The following SLC1A2 variants were observed in gnomAD, a reference collection of about 807,000 sequenced individuals.
SLC1A2 encodes the protein solute carrier family 1 member 2.
A neutral mutation model predicts 48.8 loss-of-function variants in SLC1A2; 15 were observed. The ratio of observed to expected loss-of-function variants is 0.31; its 90% confidence interval spans 0.21 to 0.47. The LOEUF is 0.47. Among genes scored for constraint, SLC1A2 ranks in the 20% least tolerant of loss-of-function variants. The pLI is 0.99. For missense variants in SLC1A2, 502 were observed against 730.5 expected (o/e 0.69, Z 3.61); for synonymous variants, 279 against 272.6 (o/e 1.02, Z -0.23).
chr11:35,277,112 C>T (rs897369525), intron 9 of SLC1A2, among the ~76,000 whole-genome samples: 19 of 152,302 alleles, frequency 1.2e-4, no homozygotes, highest in African/African-American at 4.6e-4. Flanking sequence ...ATATAATCAC[C>T]TTTTAAAGGC....
At chr11:35,379,502 C>T (rs1228107164) in intron 1 of SLC1A2, among the ~76,000 whole-genome samples, 1 of 152,184 alleles carries the variant, frequency 6.6e-6, no homozygotes, top group Non-Finnish European at 1.5e-5. Context: ...ACATATTCCT[C>T]GGGAGAGATC....
rs574549283 is a variant in SLC1A2, at chr11:35,289,466, C to G, written c.1092-2515G>C. On this transcript the variant is annotated intron_variant, in intron 7 of 10. Coordinates refer to ENST00000278379, the MANE Select transcript of SLC1A2 (RefSeq NM_004171.4). ...CACTTTTTTTTTTTCAAATGAAATA[C>G]AGAGTTAGGGGAAGAAATTGGTCTA... Among the ~76,000 whole-genome samples, 84 of 151,238 alleles carry G rather than the reference C, an allele frequency of 5.6e-4. No individual in the cohort carries two copies. The South Asian group carries it at 9.6e-3, about 17-fold the overall frequency.
chr11:35,346,552 T>A (rs890839310), intron 1 of SLC1A2, among the ~76,000 whole-genome samples: 1 of 152,224 alleles, frequency 6.6e-6, no homozygotes, highest in Admixed American at 6.5e-5. Flanking sequence ...AGACATGACC[T>A]ATAAACAAGA....
chr11:35,277,826 A>T (rs916968607), intron 9 of SLC1A2, among the ~76,000 whole-genome samples: 2 of 152,206 alleles, frequency 1.3e-5, no homozygotes, highest in African/African-American at 4.8e-5. Flanking sequence ...AGAGTAGCTC[A>T]CATTTATTGA....
At chr11:35,383,223 T>C (rs572561340) in intron 1 of SLC1A2, among the ~76,000 whole-genome samples, 2 of 152,332 alleles carry the variant, frequency 1.3e-5, no homozygotes, top group South Asian at 4.1e-4. Context: ...AATACTATGT[T>C]AGTTTGACAC....
chr11:35,419,878 C>G (rs754461928), upstream of SLC1A2: 5 of 461,312 alleles, frequency 1.1e-5, no homozygotes, highest in East Asian at 3.6e-4. This position sits in a 1 kb window ranked among gnomAD's most constrained non-coding sequence, Gnocchi z 5.4. Context: ...CTCCTCACTC[C>G]CCGGAGCACC....
chr11:35,310,742 C>A (rs920533055), intron 4 of SLC1A2, among the ~76,000 whole-genome samples: 1 of 152,124 alleles, frequency 6.6e-6, no homozygotes, highest in Non-Finnish European at 1.5e-5. Flanking sequence ...TGTGTTCTAG[C>A]CTATGCTGGC....
chr11:35,384,454 T>A (rs1854525021), intron 1 of SLC1A2, among the ~76,000 whole-genome samples: 1 of 152,214 alleles, frequency 6.6e-6, no homozygotes, highest in Non-Finnish European at 1.5e-5. Context: ...CCCTACTCCT[T>A]CTTGAATAAG....
intron 1 of SLC1A2, among the ~76,000 whole-genome samples, chr11:35,399,170 G>C (rs1855064178): frequency 6.6e-6 from 1 of 152,064 alleles, no homozygotes; most frequent in African/African-American, 2.4e-5. Context: ...CTTTCACATG[G>C]ACTTCCTACT....
chr11:35,357,570 A>G (rs899385360), intron 1 of SLC1A2, among the ~76,000 whole-genome samples: 4 of 152,250 alleles, frequency 2.6e-5, no homozygotes, highest in Non-Finnish European at 5.9e-5. Flanking sequence ...CCACTTATAA[A>G]ATAAGAAAAC....
intron 1 of SLC1A2, among the ~76,000 whole-genome samples, chr11:35,325,342 C>A (rs966502104): frequency 2.0e-5 from 3 of 152,182 alleles, no homozygotes; most frequent in African/African-American, 4.8e-5. Context: ...TTTACCATGT[C>A]GCCTGTGCTC....
chr11:35,281,001 G>A lies in SLC1A2; in HGVS notation c.1287C>T (p.Ser429=), dbSNP rs1225281421. The A allele has an allele frequency of 3.1e-6, 5 of 1,606,346 alleles. No individual in the cohort carries two copies. Among genetic ancestry groups the A allele is most frequent in the Non-Finnish European group, 4.2e-6 (5 of 1,176,748 alleles). Reference sequence around the variant, plus strand: ...CGACGCTTGCCAGGGTGGCTGTGAGGCTATGAGAACAGAGAAGTTCAGGTC... The same window carrying A: ...CGACGCTTGCCAGGGTGGCTGTGAGACTATGAGAACAGAGAAGTTCAGGTC... ...VLDGGQIVTV[S]LTATLASVGA... Residue 429 remains serine (S), a splice_region_variant and synonymous_variant, in exon 9 of 11, where the codon AGC becomes AGT. Coordinates refer to ENST00000278379, the MANE Select transcript of SLC1A2 (RefSeq NM_004171.4).
intron 1 of SLC1A2, among the ~76,000 whole-genome samples, chr11:35,318,365 T>C (rs536735117): frequency 7.1e-4 from 108 of 152,320 alleles, no homozygotes; most frequent in African/African-American, 2.4e-3. Context: ...GGGATTGCCA[T>C]AGGGAGGCCA....
chr11:35,357,114 G>A (rs923983678), intron 1 of SLC1A2, among the ~76,000 whole-genome samples: 1 of 151,992 alleles, frequency 6.6e-6, no homozygotes, highest in Non-Finnish European at 1.5e-5. Flanking sequence ...AAAATTAGCT[G>A]GACATGGTGG....
At chr11:35,392,593 G>C (rs1854817072) in intron 1 of SLC1A2, among the ~76,000 whole-genome samples, 1 of 152,232 alleles carries the variant, frequency 6.6e-6, no homozygotes, top group African/African-American at 2.4e-5. Flanking sequence ...AAATCTGAGA[G>C]AGCTGGAGCT....
In SLC1A2 at chr11:35,301,601, T is replaced by C. The variant is rs1212449519; in HGVS notation, c.775A>G (p.Met259Val). The change falls in exon 6 of 11, where the codon ATG (methionine) becomes GTG (valine). Residue 259 changes from methionine (M) to valine (V), a missense_variant. By Grantham distance (21) the Met-to-Val change is conservative. Around this residue, in one of 4 missense-constraint regions of SLC1A2, gnomAD observed 309 missense variants for 480.3 expected, o/e 0.64. Coordinates refer to ENST00000278379, the MANE Select transcript of SLC1A2 (RefSeq NM_004171.4). ...FIAFGIAMGK[M>V]GDQAKLMVDF... The stretch of plus-strand genomic sequence containing the variant: ...ACCATCAGCTTGGCCTGATCTCCCA[T>C]CTTCCCCATAGCGATGCCAAAAGCA... 14 of 1,613,728 alleles carry C rather than the reference T, an allele frequency of 8.7e-6. No homozygotes were observed. The highest frequency in any genetic ancestry group is 1.2e-5 in the Non-Finnish European group (14 of 1,179,786).
In SLC1A2 at chr11:35,253,386, T is replaced by A. The variant is rs11033046; in HGVS notation, c.*7508A>T. 50,899 of 152,508 alleles carry A rather than the reference T, an allele frequency of 0.33. 9,505 individuals carry two copies. Among genetic ancestry groups the A allele is most frequent in the South Asian group, 0.53 (2,578 of 4,820 alleles). 9.4% of individuals were successfully genotyped at this position (152,508 alleles called of 1,614,324 possible). A position where few individuals can be genotyped will look rare whatever the true frequency, so the allele number is the denominator to read the frequency against. ...TTTCATCTCTAGCACTCATCCTCAG[T>A]CTCTGCTACTCAAAGTTTTCCTAAG... On this transcript the variant is annotated 3_prime_UTR_variant, in exon 11 of 11. Transcript: ENST00000278379.
At chr11:35,295,039 T>C (rs1371816818) in intron 6 of SLC1A2, among the ~76,000 whole-genome samples, 1 of 152,064 alleles carries the variant, frequency 6.6e-6, no homozygotes, top group African/African-American at 2.4e-5. Flanking sequence ...TTTATTTTAT[T>C]TATTTTTTAT....
chr11:35,285,337 G>C (rs7927678), intron 8 of SLC1A2: 1 of 152,278 alleles, frequency 6.6e-6, no homozygotes, highest in Middle Eastern at 3.4e-3. Flanking sequence ...TTCTCTTCAG[G>C]ACTGCTGGTC....
Sources: allele counts gnomAD v4.1 joint callset (sites outside exome capture counted in the v4.1 genomes callset), GRCh38; gene constraint gnomAD v4.1.1; regional missense constraint gnomAD v4.1.1; non-coding constraint Gnocchi (gnomAD v3.1); transcripts MANE v1.5; gene names NCBI Gene and HGNC (gene_info 2026-07-23, HGNC 2026-07-21).